The following EPHA5 variants were observed in gnomAD, a reference collection of about 807,000 sequenced individuals.
The protein encoded by EPHA5 is EPH receptor A5, also known as ephrin type-A receptor 5.
A neutral mutation model predicts 105.0 loss-of-function variants in EPHA5; 60 were observed. The ratio of observed to expected loss-of-function variants is 0.57; its 90% CI spans 0.46 to 0.71. The LOEUF (loss-of-function observed/expected upper bound fraction) is 0.71. Ranked by LOEUF, EPHA5 falls within the 30% of genes least tolerant of loss-of-function variation. EPHA5 has a pLI of 0.00. For missense variants in EPHA5, 1,218 were observed against 1,274.7 expected (o/e 0.96, Z 0.68); for synonymous variants, 513 against 449.1 (o/e 1.14, Z -1.80).
At chr4:65,326,014 CAT>C (rs35999982) in intron 16 of EPHA5, among the ~76,000 whole-genome samples, 1 of 144,098 alleles carries the variant, frequency 6.9e-6, no homozygotes. Flanking sequence ...ATATATATCT[CAT>C]ATATATATAT....
chr4:65,540,266 C>T (rs1458856118), intron 3 of EPHA5, among the ~76,000 whole-genome samples: 1 of 151,484 alleles, frequency 6.6e-6, no homozygotes, highest in Admixed American at 6.6e-5. Context: ...AAGAAATATG[C>T]ACATGAAAAC....
intron 3 of EPHA5, among the ~76,000 whole-genome samples, chr4:65,548,852 A>C (rs2149335771): frequency 6.6e-6 from 1 of 152,256 alleles, no homozygotes; most frequent in South Asian, 2.1e-4. Context: ...CTGAGTGTTG[A>C]GGTGTCATAC....
intron 2 of EPHA5, among the ~76,000 whole-genome samples, chr4:65,634,903 G>T (rs551583833): frequency 6.6e-6 from 1 of 151,882 alleles, no homozygotes; most frequent in African/African-American, 2.4e-5. Flanking sequence ...CAAAATACGA[G>T]ATCAGCAGAG....
intron 1 of EPHA5, among the ~76,000 whole-genome samples, chr4:65,656,945 G>A (rs1194884950): frequency 1.5e-5 from 1 of 65,582 alleles, no homozygotes; most frequent in Non-Finnish European, 4.1e-5. Context: ...AAATGAAAAC[G>A]TGTGTGTGTT....
intron 3 of EPHA5, among the ~76,000 whole-genome samples, chr4:65,509,908 T>C (rs1733432486): frequency 6.6e-6 from 1 of 152,218 alleles, no homozygotes; most frequent in Non-Finnish European, 1.5e-5. Flanking sequence ...AAGCACTAAG[T>C]GAAAAATCTG....
chr4:65,352,767 A>G (rs575578961), intron 12 of EPHA5, among the ~76,000 whole-genome samples: 56 of 138,896 alleles, frequency 4.0e-4, no homozygotes, highest in African/African-American at 1.4e-3. Context: ...TTCCTCTCTT[A>G]TTCCCTTCTA....
intron 2 of EPHA5, among the ~76,000 whole-genome samples, chr4:65,618,669 A>G (rs1745453362): frequency 6.6e-6 from 1 of 152,194 alleles, no homozygotes. Flanking sequence ...CATGCCCCAA[A>G]TATGCTGGTT....
At chr4:65,416,599 A>G (rs1165371380) in intron 6 of EPHA5, among the ~76,000 whole-genome samples, 1 of 152,082 alleles carries the variant, frequency 6.6e-6, no homozygotes, top group Non-Finnish European at 1.5e-5. Flanking sequence ...TTTTTTGCCA[A>G]AAAGGAAACA....
At chr4:65,475,275 A>G (rs897730653) in intron 5 of EPHA5, among the ~76,000 whole-genome samples, 1 of 152,186 alleles carries the variant, frequency 6.6e-6, no homozygotes, top group African/African-American at 2.4e-5. Context: ...TCAATTGAGT[A>G]TAACGAATGC....
intron 3 of EPHA5, among the ~76,000 whole-genome samples, chr4:65,548,018 T>C (rs892482916): frequency 1.3e-5 from 2 of 151,526 alleles, no homozygotes; most frequent in African/African-American, 2.4e-5. Context: ...AATAATGACA[T>C]AGTTTTGCAA....
At chr4:65,545,199 A>G (rs1334407562) in intron 3 of EPHA5, among the ~76,000 whole-genome samples, 1 of 151,904 alleles carries the variant, frequency 6.6e-6, no homozygotes, top group Non-Finnish European at 1.5e-5. Flanking sequence ...GAGAATCAGC[A>G]TCTATGATTC....
chr4:65,473,776 A>G (rs1282968181), intron 5 of EPHA5, among the ~76,000 whole-genome samples: 1 of 152,160 alleles, frequency 6.6e-6, no homozygotes, highest in Non-Finnish European at 1.5e-5. Flanking sequence ...TCCCGTAGTG[A>G]ACAAACATCA....
chr4:65,542,769 GA>G (rs59298185), intron 3 of EPHA5, among the ~76,000 whole-genome samples: 1 of 149,732 alleles, frequency 6.7e-6, no homozygotes. Context: ...ACACAACAAA[GA>G]AAAAAAAAAC....
chr4:65,549,033 A>C (rs1376833876), intron 3 of EPHA5, among the ~76,000 whole-genome samples: 2 of 152,180 alleles, frequency 1.3e-5, no homozygotes, highest in Non-Finnish European at 2.9e-5. Flanking sequence ...ATTAGATTTC[A>C]AGTACAGTGA....
chr4:65,539,615 C>T (rs1020719610), intron 3 of EPHA5, among the ~76,000 whole-genome samples: 1 of 151,482 alleles, frequency 6.6e-6, no homozygotes, highest in Admixed American at 6.6e-5. Flanking sequence ...GATATTGCTC[C>T]CTCACTCAAA....
chr4:65,618,919 C>T (rs1578597342), intron 2 of EPHA5, among the ~76,000 whole-genome samples: 1 of 152,252 alleles, frequency 6.6e-6, no homozygotes, highest in South Asian at 2.1e-4. Context: ...CTTTGGGAGG[C>T]CTAGGCGGGT....
At position 65,602,311 on chromosome 4, in the gene EPHA5, A is replaced by G. The variant is rs746076984; in HGVS notation, c.247-7T>C. 33 of 1,490,026 alleles carry G rather than the reference A, an allele frequency of 2.2e-5. No homozygotes were observed. The Admixed American group carries it at 6.6e-4, about 30-fold the overall frequency. 92.3% of individuals were successfully genotyped at this position (1,490,026 alleles called of 1,614,324 possible). A position where few individuals can be genotyped will look rare whatever the true frequency, so the allele number is the denominator to read the frequency against. ...CTTCACCAATCTCTTCCCACTGTAC[A>G]ATATAAAATAGAAAGATAAAAAAAA... is the stretch of plus-strand genomic sequence containing the variant. On this transcript the variant is annotated splice_polypyrimidine_tract_variant and splice_region_variant and intron_variant, in intron 2 of 16. Coordinates refer to ENST00000613740, the MANE Select transcript of EPHA5 (RefSeq NM_001281766.3).
chr4:65,392,736 T>C (rs1313937800), intron 8 of EPHA5, among the ~76,000 whole-genome samples: 2 of 152,178 alleles, frequency 1.3e-5, no homozygotes, highest in Admixed American at 1.3e-4. Context: ...CATTTCATTA[T>C]GTTTATTTTA....
intron 2 of EPHA5, among the ~76,000 whole-genome samples, chr4:65,637,818 T>C (rs1747285322): frequency 6.6e-6 from 1 of 151,962 alleles, no homozygotes; most frequent in Admixed American, 6.6e-5. Context: ...AAATATTTAT[T>C]GAAGTTCTAT....
Sources: allele counts gnomAD v4.1 joint callset (sites outside exome capture counted in the v4.1 genomes callset), GRCh38; gene constraint gnomAD v4.1.1; transcripts MANE v1.5; gene names NCBI Gene and HGNC (gene_info 2026-07-23, HGNC 2026-07-21).